Variants in BRINP1 observed in about 807,000 individuals in gnomAD.
The protein encoded by BRINP1 is BMP/retinoic acid inducible neural specific 1, also known as BMP/retinoic acid-inducible neural-specific protein 1.
BRINP1 carries 17 observed loss-of-function variants against 72.9 expected under a neutral mutation model. That is an observed-to-expected ratio of 0.23 (90% CI 0.16 to 0.35). The LOEUF is 0.35. BRINP1 is among the 10% of genes least tolerant of loss of function. BRINP1 has a pLI of 1.00. For synonymous variants in BRINP1, 418 were observed against 378.5 expected (o/e 1.10, Z -1.21); for missense variants, 850 against 1,001.6 (o/e 0.85, Z 2.04).
intron 7 of BRINP1, among the ~76,000 whole-genome samples, chr9:119,204,691 C>T (rs1257681145): frequency 6.6e-6 from 1 of 152,214 alleles, no homozygotes. Context: ...TTCCTTTTAA[C>T]TGATTCAGGC....
At chr9:119,186,859 G>T (rs118055178) in intron 7 of BRINP1, among the ~76,000 whole-genome samples, 4,844 of 152,146 alleles carry the variant, frequency 0.032, 115 homozygotes, top group Non-Finnish European at 0.05. Flanking sequence ...AGAGGATTTG[G>T]GTAGCTGTTA....
At chr9:119,269,859 A>AT (rs1460659862) in intron 2 of BRINP1, among the ~76,000 whole-genome samples, 6 of 30,980 alleles carry the variant, frequency 1.9e-4, no homozygotes, top group Non-Finnish European at 5.2e-4. Flanking sequence ...AGATACATTA[A>AT]TAAAAAAAAA....
At chr9:119,230,569 T>C (rs916911407) in intron 5 of BRINP1, among the ~76,000 whole-genome samples, 2 of 151,822 alleles carry the variant, frequency 1.3e-5, no homozygotes, top group South Asian at 2.1e-4. Context: ...CCACATTCAA[T>C]AGAAGAGAGT....
At chr9:119,218,746 ATT>A (rs10685419) in intron 5 of BRINP1, among the ~76,000 whole-genome samples, 695 of 133,316 alleles carry the variant, frequency 5.2e-3, no homozygotes, top group Middle Eastern at 7.8e-3. Context: ...AAACTCAGGG[ATT>A]TTTTTTTTTT....
intron 2 of BRINP1, among the ~76,000 whole-genome samples, chr9:119,304,785 AC>A (rs1183572535): frequency 1.3e-4 from 20 of 151,498 alleles, no homozygotes; most frequent in African/African-American, 4.6e-4. Context: ...GGTTAATGAA[AC>A]CCTTCTCCGC....
At chr9:119,188,941 A>G (rs1829654777) in intron 7 of BRINP1, among the ~76,000 whole-genome samples, 1 of 152,194 alleles carries the variant, frequency 6.6e-6, no homozygotes. Flanking sequence ...TCAAATCTCT[A>G]GTATGAAAGT....
chr9:119,273,766 C>T (rs1830628499), intron 2 of BRINP1, among the ~76,000 whole-genome samples: 1 of 152,154 alleles, frequency 6.6e-6, no homozygotes, highest in South Asian at 2.1e-4. Context: ...TCTCACTCAA[C>T]CATTTCAACC....
At chr9:119,346,373 C>T (rs1056812623) in intron 1 of BRINP1, among the ~76,000 whole-genome samples, 6 of 152,018 alleles carry the variant, frequency 3.9e-5, no homozygotes, top group African/African-American at 1.2e-4. Context: ...ATTTTTTGGA[C>T]CAATGTGAAA....
intron 7 of BRINP1, among the ~76,000 whole-genome samples, chr9:119,200,010 T>A (rs1829787776): frequency 6.6e-6 from 1 of 152,200 alleles, no homozygotes; most frequent in Admixed American, 6.5e-5. Flanking sequence ...GTCACTTACC[T>A]CCCTTAGATC....
At chr9:119,311,995 C>T (rs1831073442) in intron 2 of BRINP1, among the ~76,000 whole-genome samples, 1 of 152,166 alleles carries the variant, frequency 6.6e-6, no homozygotes, top group Admixed American at 6.5e-5. Context: ...AGACACTGCC[C>T]ATCTCATAGA....
intron 2 of BRINP1, among the ~76,000 whole-genome samples, chr9:119,286,819 T>C (rs1032657044): frequency 1.3e-5 from 2 of 152,214 alleles, no homozygotes; most frequent in African/African-American, 4.8e-5. Context: ...CTTGTGCCTG[T>C]CATTAATTCA....
intron 5 of BRINP1, among the ~76,000 whole-genome samples, chr9:119,217,683 G>T (rs1588167537): frequency 6.6e-6 from 1 of 152,088 alleles, no homozygotes; most frequent in East Asian, 1.9e-4. Flanking sequence ...TTCGACAGGT[G>T]CATCTCACAA....
chr9:119,233,082 T>A (rs1003468319), intron 5 of BRINP1, among the ~76,000 whole-genome samples: 1 of 151,836 alleles, frequency 6.6e-6, no homozygotes, highest in African/African-American at 2.4e-5. Flanking sequence ...TCATGAAACA[T>A]CACAAGGTGA....
intron 7 of BRINP1, among the ~76,000 whole-genome samples, chr9:119,189,218 A>G (rs1829658080): frequency 6.6e-6 from 1 of 152,152 alleles, no homozygotes; most frequent in Non-Finnish European, 1.5e-5. Flanking sequence ...AAAGATCAGC[A>G]CTACAGAAAA....
chr9:119,171,188 A>AATTGGAT (rs1829405377), intron 7 of BRINP1, among the ~76,000 whole-genome samples: 1 of 150,228 alleles, frequency 6.7e-6, no homozygotes, highest in Non-Finnish European at 1.5e-5. Context: ...CAGACTGGCA[A>AATTGGAT]ATTGGATAAA....
intron 6 of BRINP1, chr9:119,213,623 T>G (rs962689928): frequency 1.8e-6 from 1 of 562,720 alleles, no homozygotes; most frequent in East Asian, 2.9e-5. Flanking sequence ...TACCTCTGAC[T>G]CTTCCCTCTC....
Position 119,170,500 on chromosome 9 carries a change from T to C in BRINP1, c.1146-2276A>G, listed in dbSNP as rs549255939. Among the ~76,000 whole-genome samples, 229 of 152,134 alleles carry C rather than the reference T, an allele frequency of 1.5e-3. 1 individual carries two copies. The highest frequency in any genetic ancestry group is 5.7e-3 in the Admixed American group (87 of 15,284). ...ACTATGTGAAAAGACCAAATCTACATCTGATTGGTGTACCTGAAAGTGATG... is the reference window on the plus strand; with the variant it reads ...ACTATGTGAAAAGACCAAATCTACACCTGATTGGTGTACCTGAAAGTGATG... On this transcript the variant is annotated intron_variant, in intron 7 of 7. Transcript: ENST00000265922.
At chr9:119,284,885 A>T (rs956568039) in intron 2 of BRINP1, among the ~76,000 whole-genome samples, 1 of 152,192 alleles carries the variant, frequency 6.6e-6, no homozygotes, top group African/African-American at 2.4e-5. Context: ...TGGAAATGAT[A>T]AAGTCCTATA....
At chr9:119,245,337 A>G (rs539509736) in intron 3 of BRINP1, among the ~76,000 whole-genome samples, 1 of 152,338 alleles carries the variant, frequency 6.6e-6, no homozygotes, top group Non-Finnish European at 1.5e-5. Context: ...ACATCTGTCT[A>G]TACAGGTAGG....
Sources: allele counts gnomAD v4.1 joint callset (sites outside exome capture counted in the v4.1 genomes callset), GRCh38; gene constraint gnomAD v4.1.1; transcripts MANE v1.5; gene names NCBI Gene and HGNC (gene_info 2026-07-23, HGNC 2026-07-21).